The following PUDP variants were observed in gnomAD, a reference collection of about 807,000 sequenced individuals.
PUDP encodes pseudouridine-5'-phosphatase.
A neutral mutation model predicts 9.4 loss-of-function variants in PUDP; 8 were observed. The ratio of observed to expected loss-of-function variants is 0.85; its 90% CI spans 0.50 to 1.53. PUDP has a LOEUF of 1.53. PUDP is among the 40% of genes most tolerant of loss of function. The probability of loss-of-function intolerance (pLI) is 0.00; values close to 1 mark genes in which losing one functional copy is unlikely to be tolerated. For missense variants in PUDP, 188 were observed against 189.7 expected, an observed-to-expected ratio of 0.99 and a Z score of 0.05; for synonymous variants, 99 against 80.7, an observed-to-expected ratio of 1.23 and a Z score of -1.22.
chrX:6,711,458 C>G (rs1445395108), intron 1 of PUDP, among the ~76,000 whole-genome samples: 1 of 110,976 alleles, frequency 9.0e-6, no homozygotes, highest in East Asian at 2.8e-4. Context: ...GATTTCTTTA[C>G]GGCCAGTTTT....
At chrX:6,887,241 T>C (rs1927443065) in intron 3 of PUDP, among the ~76,000 whole-genome samples, 3 of 106,947 alleles carry the variant, frequency 2.8e-5, no homozygotes, top group Admixed American at 1.0e-4. Flanking sequence ...ATTATATCTA[T>C]TATATATTAA....
intron 3 of PUDP, among the ~76,000 whole-genome samples, chrX:6,774,622 G>A (rs1345189099): frequency 8.9e-6 from 1 of 111,889 alleles, no homozygotes; most frequent in Non-Finnish European, 1.9e-5. Context: ...GAGGTCAAGG[G>A]TGGGGTTGGA....
chrX:6,809,341 A>G (rs920398184), intron 3 of PUDP, among the ~76,000 whole-genome samples: 1 of 109,830 alleles, frequency 9.1e-6, no homozygotes, highest in African/African-American at 3.3e-5. Flanking sequence ...TCTGGTGACC[A>G]CACTGGAGTA....
At chrX:6,711,989 T>A (rs1243457383) in intron 1 of PUDP, among the ~76,000 whole-genome samples, 1 of 111,720 alleles carries the variant, frequency 9.0e-6, no homozygotes, top group Non-Finnish European at 1.9e-5. Context: ...TTTCCTGGAG[T>A]CAGCATACTC....
chrX:6,750,914 C>T (rs1245397613), intron 3 of PUDP, among the ~76,000 whole-genome samples: 2 of 111,043 alleles, frequency 1.8e-5, no homozygotes, highest in Non-Finnish European at 3.8e-5. Flanking sequence ...CCGAGGCGGG[C>T]AGATCACAAG....
intron 1 of PUDP, among the ~76,000 whole-genome samples, chrX:7,011,684 G>A (rs1441908225): frequency 3.6e-5 from 4 of 112,217 alleles, no homozygotes; most frequent in African/African-American, 3.2e-5. Context: ...GCAACTGCCC[G>A]GTAGCATTTA....
At chrX:6,940,295 T>C (rs1237530558) in intron 3 of PUDP, among the ~76,000 whole-genome samples, 3 of 113,125 alleles carry the variant, frequency 2.7e-5, no homozygotes, top group Non-Finnish European at 5.6e-5. Flanking sequence ...TTTTTCACAC[T>C]ACAATGACGG....
At chrX:6,902,710 C>T (rs1927708850) in intron 3 of PUDP, among the ~76,000 whole-genome samples, 2 of 111,503 alleles carry the variant, frequency 1.8e-5, no homozygotes, top group South Asian at 3.8e-4. Flanking sequence ...CTGGTGCCAT[C>T]ACTGGCAGAG....
At chrX:6,907,683 G>T (rs747036322) in intron 3 of PUDP, among the ~76,000 whole-genome samples, 1 of 111,394 alleles carries the variant, frequency 9.0e-6, no homozygotes, top group Non-Finnish European at 1.9e-5. Flanking sequence ...CTACTCTGGG[G>T]TTTTTCATTA....
intron 3 of PUDP, among the ~76,000 whole-genome samples, chrX:6,777,895 C>T (rs1602615405): frequency 8.9e-6 from 1 of 111,955 alleles, no homozygotes; most frequent in East Asian, 2.8e-4. Flanking sequence ...CTGTAAAAAG[C>T]CTCGGTTTTC....
intron 3 of PUDP, among the ~76,000 whole-genome samples, chrX:6,937,075 C>T (rs1928315769): frequency 9.5e-6 from 1 of 105,612 alleles, no homozygotes; most frequent in Admixed American, 1.1e-4. Flanking sequence ...TCTACAGATT[C>T]AATGCCATCC....
At chrX:6,727,230 G>A (rs780488919) in intron 3 of PUDP, among the ~76,000 whole-genome samples, 6 of 110,272 alleles carry the variant, frequency 5.4e-5, no homozygotes, top group Non-Finnish European at 1.1e-4. Flanking sequence ...TAAAAATAGA[G>A]ATGGAGAGAA....
chrX:7,048,910 T>G, downstream of PUDP: 1 of 112,540 alleles, frequency 8.9e-6, no homozygotes, highest in South Asian at 3.7e-4. Flanking sequence ...ATGACTCTCA[T>G]ACAAATATCA....
At chrX:6,742,896 T>C (rs1337661760) in intron 3 of PUDP, among the ~76,000 whole-genome samples, 1 of 112,593 alleles carries the variant, frequency 8.9e-6, no homozygotes, top group South Asian at 3.6e-4. Flanking sequence ...GAAAGTGAAA[T>C]ACATAGCTTC....
At chrX:7,074,037 G>C (rs1930821857) in intron 3 of PUDP, among the ~76,000 whole-genome samples, 1 of 112,595 alleles carries the variant, frequency 8.9e-6, no homozygotes, top group African/African-American at 3.2e-5. Context: ...CTGGTCCCAT[G>C]CAATGGCAGC....
At chrX:6,937,486 A>G (rs1241070031) in intron 3 of PUDP, among the ~76,000 whole-genome samples, 1 of 103,957 alleles carries the variant, frequency 9.6e-6, no homozygotes, top group Non-Finnish European at 2.0e-5. Flanking sequence ...TCAATTCAAG[A>G]TGGATTAAAG....
Position 6,884,075 on chromosome X carries a change from C to T in PUDP, c.*247+93058G>A, listed in dbSNP as rs1036263181. 9.9e-5 allele frequency among the ~76,000 whole-genome samples: 11 copies of T among 111,570 alleles called. No homozygotes were observed. The East Asian group carries it at 2.8e-3, about 29-fold the overall frequency. ...CAGGGTGGTCTTGATCTCCTGACGT[C>T]GTGATCCGCCCGCCTCAGCCTCCCA... is the stretch of plus-strand genomic sequence containing the variant. On this transcript the variant is annotated intron_variant and NMD_transcript_variant, in intron 3 of 3. Transcript: ENST00000655425.
chrX:6,751,065 C>T (rs760413327), intron 3 of PUDP, among the ~76,000 whole-genome samples: 24 of 109,250 alleles, frequency 2.2e-4, no homozygotes, highest in South Asian at 8.2e-4. Flanking sequence ...TGGTGTGAAC[C>T]GGGGAGGCGG....
chrX:7,105,385 C>G (rs1327113756), intron 2 of PUDP, among the ~76,000 whole-genome samples: 1 of 110,423 alleles, frequency 9.1e-6, no homozygotes, highest in African/African-American at 3.3e-5. Flanking sequence ...TTTTTGGAAC[C>G]CAGAAATCAC....
Sources: allele counts gnomAD v4.1 joint callset (sites outside exome capture counted in the v4.1 genomes callset), GRCh38; gene constraint gnomAD v4.1.1; transcripts MANE v1.5; gene names NCBI Gene and HGNC (gene_info 2026-07-23, HGNC 2026-07-21).